Variants in PDIA5 observed in about 807,000 individuals in gnomAD.
PDIA5 encodes the protein protein disulfide isomerase family A member 5, also known as protein disulfide-isomerase A5.
PDIA5 carries 58 observed loss-of-function variants against 77.6 expected under a neutral mutation model. The observed-to-expected ratio is 0.75, with a 90% CI of 0.61 to 0.93. The LOEUF is 0.93. Among genes scored for constraint, PDIA5 ranks in the 40% least tolerant of loss-of-function variants. The probability of loss-of-function intolerance (pLI) is 0.00; values close to 1 mark genes in which losing one functional copy is unlikely to be tolerated. For missense variants in PDIA5, 630 were observed against 647.7 expected (o/e 0.97, Z 0.30); for synonymous variants, 250 against 252.1 (o/e 0.99, Z 0.08).
intron 10 of PDIA5, among the ~76,000 whole-genome samples, chr3:123,126,966 C>T (rs1935256736): frequency 6.6e-6 from 1 of 152,158 alleles, no homozygotes; most frequent in Admixed American, 6.5e-5. Context: ...CCACGTATCT[C>T]ATTGGCCACT....
chr3:123,160,847 C>T (rs926861087), intron 15 of PDIA5, among the ~76,000 whole-genome samples: 3 of 152,146 alleles, frequency 2.0e-5, no homozygotes, highest in African/African-American at 7.2e-5. Flanking sequence ...GAGTTATTTT[C>T]CTTAAGTCTT....
At chr3:123,154,862 G>A in intron 14 of PDIA5, 109 bp from the exon 15 acceptor site, 2 of 755,478 alleles carry the variant, frequency 2.6e-6, no homozygotes, top group Non-Finnish European at 4.8e-6. Context: ...GGCGGGCAGT[G>A]GGGAGCTCCT....
At chr3:123,083,013 A>T (rs1934047855) in intron 1 of PDIA5, among the ~76,000 whole-genome samples, 1 of 152,126 alleles carries the variant, frequency 6.6e-6, no homozygotes, top group Non-Finnish European at 1.5e-5. Flanking sequence ...CCGGCCCTGA[A>T]TGAGCAGACA....
intron 6 of PDIA5, among the ~76,000 whole-genome samples, chr3:123,107,049 AATTTTCTCC>A (rs1934753298): frequency 6.6e-6 from 1 of 152,170 alleles, no homozygotes; most frequent in African/African-American, 2.4e-5. Context: ...GTTGCCTGAG[AATTTTCTCC>A]ATTCTTCACC....
rs1321484599 is a variant in PDIA5 at position 123,145,958 on chromosome 3, T to G, written c.982-141T>G. ...GCCAATGTTCAGTTGTTCCCTGGGA[T>G]ATGGGAGCCCACTGGGCTAGCCACC... On this transcript the variant is annotated intron_variant, in intron 12 of 16. Coordinates refer to ENST00000316218, the MANE Select transcript of PDIA5 (RefSeq NM_006810.4). 5.6e-6 allele frequency: 4 copies of G among 712,872 alleles called. No individual in the cohort carries two copies. The East Asian group carries it at 1.0e-4, about 18-fold the overall frequency. 44.2% of individuals were successfully genotyped at this position (712,872 alleles called of 1,614,324 possible). A position where few individuals can be genotyped will look rare whatever the true frequency, so the allele number is the denominator to read the frequency against.
rs962259642 is a variant in PDIA5 at position 123,136,846 on chromosome 3, C to T, written c.910+6230C>T. Among the ~76,000 whole-genome samples the T allele has an allele frequency of 9.9e-5, 15 of 151,242 alleles. 1 individual carries two copies. The highest frequency in any genetic ancestry group is 9.2e-4 in the Admixed American group (14 of 15,190). ...CTTTTTTTAACTTGTCAATAGGTCT[C>T]GAAGATATTTTCATGTAAATGTAGA... is the stretch of plus-strand genomic sequence containing the variant. On this transcript the variant is annotated intron_variant, in intron 11 of 16. Coordinates refer to ENST00000316218, the MANE Select transcript of PDIA5 (RefSeq NM_006810.4).
chr3:123,117,374 T>TATATATATATATATA (rs1935019779), intron 8 of PDIA5, among the ~76,000 whole-genome samples: 3 of 79,870 alleles, frequency 3.8e-5, no homozygotes, highest in African/African-American at 9.6e-5. Context: ...TTCTATGATT[T>TATATATATATATATA]TATATATATA....
At chr3:123,105,807 T>G (rs1420461716) in intron 5 of PDIA5, among the ~76,000 whole-genome samples, 1 of 152,014 alleles carries the variant, frequency 6.6e-6, no homozygotes, top group African/African-American at 2.4e-5. Flanking sequence ...GTGGTCAAAG[T>G]TGACAGAAGT....
chr3:123,153,357 C>T (rs577235815), intron 14 of PDIA5, among the ~76,000 whole-genome samples: 1 of 152,200 alleles, frequency 6.6e-6, no homozygotes, highest in African/African-American at 2.4e-5. Context: ...CTGTCTGTGA[C>T]ATACCTTGTT....
chr3:123,121,694 G>T (rs1935126328), intron 8 of PDIA5, among the ~76,000 whole-genome samples: 1 of 152,336 alleles, frequency 6.6e-6, no homozygotes, highest in Non-Finnish European at 1.5e-5. Flanking sequence ...GGCACCAAGT[G>T]GGGGCCAGGA....
intron 1 of PDIA5, among the ~76,000 whole-genome samples, chr3:123,073,812 C>T (rs1016325097): frequency 3.9e-5 from 6 of 152,216 alleles, no homozygotes; most frequent in Non-Finnish European, 8.8e-5. Flanking sequence ...TACAGTTCCT[C>T]CAACCCCTTG....
chr3:123,104,282 CT>C (rs1934679201), intron 5 of PDIA5, among the ~76,000 whole-genome samples: 1 of 152,182 alleles, frequency 6.6e-6, no homozygotes, highest in Non-Finnish European at 1.5e-5. Context: ...CCAAGCAGGA[CT>C]GGGGCAGAAT....
chr3:123,141,175 G>A (rs1935624870), intron 11 of PDIA5, among the ~76,000 whole-genome samples: 1 of 152,190 alleles, frequency 6.6e-6, no homozygotes, highest in African/African-American at 2.4e-5. Context: ...GCAATGGCTG[G>A]CTTTTCTTTG....
At chr3:123,108,520 T>A (rs1480032989) in intron 6 of PDIA5, among the ~76,000 whole-genome samples, 1 of 148,472 alleles carries the variant, frequency 6.7e-6, no homozygotes, top group East Asian at 2.1e-4. Context: ...CCTCAAGTGA[T>A]CCACCCGCCT....
At chr3:123,120,698 C>T (rs1235587239) in intron 8 of PDIA5, among the ~76,000 whole-genome samples, 3 of 152,184 alleles carry the variant, frequency 2.0e-5, no homozygotes, top group Non-Finnish European at 4.4e-5. Flanking sequence ...GATTTTTTCC[C>T]TTGTGTCTCA....
At chr3:123,120,294 G>A (rs1935081184) in intron 8 of PDIA5, among the ~76,000 whole-genome samples, 1 of 152,192 alleles carries the variant, frequency 6.6e-6, no homozygotes, top group South Asian at 2.1e-4. Context: ...GGAGATCTTG[G>A]TCCAAGCTCC....
At chr3:123,156,726 C>G (rs570643316) in intron 15 of PDIA5, among the ~76,000 whole-genome samples, 1 of 152,334 alleles carries the variant, frequency 6.6e-6, no homozygotes, top group African/African-American at 2.4e-5. Flanking sequence ...GACTGGCAGA[C>G]AGATCCTGGG....
chr3:123,111,454 T>A (rs566139121), intron 7 of PDIA5, among the ~76,000 whole-genome samples: 1 of 152,334 alleles, frequency 6.6e-6, no homozygotes, highest in African/African-American at 2.4e-5. Context: ...CCTCTGCAGG[T>A]GCCACCTGGG....
At position 123,110,864 on chromosome 3, in the gene PDIA5, A is replaced by G; in HGVS notation, c.481-80A>G. On this transcript the variant is annotated intron_variant, in intron 6 of 16. Transcript: ENST00000316218. ...CCATCCCTACCCTTCACCCTGCTGT[A>G]TGCAGGAGGGGCGGGGAGGGGGTCT... 6 of 1,120,256 alleles carry G rather than the reference A, an allele frequency of 5.4e-6. No homozygotes were observed. In the South Asian group the frequency reaches 7.4e-5, roughly 14 times the overall value. 69.4% of individuals were successfully genotyped at this position (1,120,256 alleles called of 1,614,324 possible). A position where few individuals can be genotyped will look rare whatever the true frequency, so the allele number is the denominator to read the frequency against.
Sources: gnomAD v4.1 joint callset for allele counts (sites outside exome capture counted in the v4.1 genomes callset) on GRCh38, gnomAD v4.1.1 for gene constraint, MANE v1.5 for transcripts, NCBI Gene and HGNC (gene_info 2026-07-23, HGNC 2026-07-21) for gene names.